Variants in ZC3H13 observed in about 807,000 individuals in gnomAD.
The protein encoded by ZC3H13 is zinc finger CCCH domain-containing protein 13.
In ZC3H13, 64 loss-of-function variants were observed where a neutral mutation model predicts 204.1. The ratio of observed to expected loss-of-function variants is 0.31; its 90% CI spans 0.26 to 0.39. The LOEUF is 0.39. Among genes scored for constraint, ZC3H13 ranks in the 10% least tolerant of loss-of-function variants. ZC3H13 has a pLI of 1.00. For missense variants in ZC3H13, 1,833 were observed against 2,082.7 expected, an observed-to-expected ratio of 0.88 and a Z score of 2.33; for synonymous variants, 667 against 693.7, an observed-to-expected ratio of 0.96 and a Z score of 0.60.
intron 4 of ZC3H13, among the ~76,000 whole-genome samples, chr13:46,041,482 T>C (rs1373013887): frequency 6.6e-6 from 1 of 152,094 alleles, no homozygotes; most frequent in Non-Finnish European, 1.5e-5. Flanking sequence ...TATTCTAAAA[T>C]TGACTGTGAT....
intron 1 of ZC3H13, among the ~76,000 whole-genome samples, chr13:46,047,747 TAA>T (rs761721269): frequency 1.7e-4 from 26 of 152,316 alleles, no homozygotes; most frequent in Admixed American, 1.1e-3. Context: ...GAGAAAAACA[TAA>T]AGTTTCATTA....
intron 12 of ZC3H13, among the ~76,000 whole-genome samples, chr13:45,970,866 T>C (rs1952526107): frequency 6.6e-6 from 1 of 152,204 alleles, no homozygotes; most frequent in Non-Finnish European, 1.5e-5. Flanking sequence ...GAAAACCTAA[T>C]ATTGGCTTTG....
At chr13:46,004,080 G>A (rs906032530) in intron 7 of ZC3H13, among the ~76,000 whole-genome samples, 2 of 152,060 alleles carry the variant, frequency 1.3e-5, no homozygotes, top group African/African-American at 4.8e-5. Flanking sequence ...GAGAAAATAT[G>A]TGCAAATCAT....
At chr13:45,962,665 T>TA (rs1168215279) in intron 17 of ZC3H13, 2 of 979,596 alleles carry the variant, frequency 2.0e-6, no homozygotes, top group Admixed American at 6.2e-5. Flanking sequence ...CTTATGCTAA[T>TA]AGAGTAAAGG....
rs1185592222 is a variant in ZC3H13, at chr13:45,969,822, G to C, written c.2722C>G (p.Gln908Glu). Residue 908 changes from glutamine (Q) to glutamate (E), a missense_variant, in exon 14 of 19, where the codon CAG (glutamine) becomes GAG (glutamate). Physicochemically the swap from Gln to Glu is conservative, Grantham distance 29. This residue lies in a region of ZC3H13 where 1,574 missense variants were observed against 1,757.2 expected (regional missense o/e 0.90). Transcript: ENST00000679008. ...GAAGAAACTTTCTCCTTGAGTTCCT[G>C]TTCTTCGTAGCGCCTTGAACTCTCT... is the stretch of plus-strand genomic sequence containing the variant. ...RKESSRRYEE[Q>E]ELKEKVSSVD... 6.2e-7 allele frequency: 1 copy of C among 1,613,710 alleles called. No individual in the cohort carries two copies. The highest frequency in any genetic ancestry group is 1.3e-5 in the African/African-American group (1 of 74,888).
chr13:45,965,566 A>C (rs1386784821), intron 15 of ZC3H13, 134 bp from the exon 16 acceptor site: 1 of 728,194 alleles, frequency 1.4e-6, no homozygotes, highest in African/African-American at 1.8e-5. Context: ...TGTATCTCTT[A>C]ATTATTCAAA....
intron 4 of ZC3H13, among the ~76,000 whole-genome samples, chr13:46,034,333 CAT>C (rs1566337164): frequency 6.6e-6 from 1 of 152,178 alleles, no homozygotes; most frequent in Admixed American, 6.5e-5. Flanking sequence ...CATATATACA[CAT>C]GTTGATAGCA....
chr13:45,999,286 G>GA (rs2040571353), intron 8 of ZC3H13, among the ~76,000 whole-genome samples: 1 of 152,012 alleles, frequency 6.6e-6, no homozygotes, highest in East Asian at 1.9e-4. Flanking sequence ...ACAGTGAGAA[G>GA]AAAAACAAAA....
At chr13:45,999,075 A>C (rs1312804289) in intron 8 of ZC3H13, among the ~76,000 whole-genome samples, 1 of 152,172 alleles carries the variant, frequency 6.6e-6, no homozygotes, top group Non-Finnish European at 1.5e-5. Context: ...TCATCTCTAC[A>C]AAAAGATTTT....
Position 46,045,461 on chromosome 13 carries a change from A to G in ZC3H13, c.47T>C (p.Ile16Thr). The G allele has an allele frequency of 1.2e-6, 2 of 1,614,120 alleles. No homozygotes were observed. Among genetic ancestry groups the G allele is most frequent in the Non-Finnish European group, 1.7e-6 (2 of 1,180,018 alleles). ...RKVTVENTKT[I>T]SDSTSRRPSV... ...GGGTCTTCGGGATGTGCTATCAGAT[A>G]TAGTCTTGGTATTTTCCACTGTGAC... Residue 16 changes from isoleucine to threonine, a missense_variant, in exon 2 of 19, where the codon ATA becomes ACA. By Grantham distance (89) the Ile-to-Thr change is moderately conservative (BLOSUM62 -1). Coordinates refer to ENST00000679008, the MANE Select transcript of ZC3H13 (RefSeq NM_001330564.2).
rs1260888563 is a variant in ZC3H13, at chr13:46,023,842, A to C, written c.340-3285T>G. Among the ~76,000 whole-genome samples the C allele has an allele frequency of 2.0e-5, 3 of 152,302 alleles. No individual in the cohort carries two copies. The East Asian group carries it at 5.8e-4, about 29-fold the overall frequency. Reference sequence around the variant, plus strand: ...TAATGTTGACTTCACATTAAAGCTTATCTCTTACCATAATAAGAAGCAATC... The same window carrying C: ...TAATGTTGACTTCACATTAAAGCTTCTCTCTTACCATAATAAGAAGCAATC... On this transcript the variant is annotated intron_variant, in intron 4 of 18. Coordinates refer to ENST00000679008, the MANE Select transcript of ZC3H13 (RefSeq NM_001330564.2).
In ZC3H13 at chr13:45,975,276, T is replaced by C; in HGVS notation, c.2468+7A>G. On this transcript the variant is annotated splice_region_variant and intron_variant, in intron 12 of 18. Transcript: ENST00000679008. ...AAATGTTATTAATAACTGATAATTATTCTTACTTTGATTTTCTTTCATCAT... is the reference window on the plus strand; with the variant it reads ...AAATGTTATTAATAACTGATAATTACTCTTACTTTGATTTTCTTTCATCAT... 1.9e-6 allele frequency: 3 copies of C among 1,604,658 alleles called. No homozygotes were observed. Among genetic ancestry groups the C allele is most frequent in the Non-Finnish European group, 2.6e-6 (3 of 1,174,174 alleles).
intron 8 of ZC3H13, among the ~76,000 whole-genome samples, chr13:45,996,111 T>A (rs1164759241): frequency 6.6e-6 from 1 of 152,208 alleles, no homozygotes; most frequent in Non-Finnish European, 1.5e-5. Flanking sequence ...GATTTTGTGT[T>A]TAAACCCTTG....
chr13:46,008,484 AATG>A (rs2041311253), intron 7 of ZC3H13, among the ~76,000 whole-genome samples: 1 of 152,154 alleles, frequency 6.6e-6, no homozygotes, highest in African/African-American at 2.4e-5. Flanking sequence ...AACCAGTGTG[AATG>A]ATTATTCATG....
rs2040893626 is a variant in ZC3H13, at chr13:46,003,413, C to T, written c.747-77G>A. ...TTTTTTAAAGCCTTCTTAAAAACAG[C>T]AGCGTTCCTTTACATTACTTGCCCT... On this transcript the variant is annotated intron_variant, in intron 7 of 18. Coordinates refer to ENST00000679008, the MANE Select transcript of ZC3H13 (RefSeq NM_001330564.2). The T allele has an allele frequency of 4.4e-6, 6 of 1,376,208 alleles. No homozygotes were observed. In the Admixed American group the frequency reaches 1.2e-4, roughly 28 times the overall value. 85.2% of individuals were successfully genotyped at this position (1,376,208 alleles called of 1,614,324 possible).
intron 8 of ZC3H13, 59 bp from the exon 9 acceptor site, chr13:45,989,156 G>A: frequency 2.0e-6 from 3 of 1,495,522 alleles, no homozygotes; most frequent in South Asian, 1.3e-5. Flanking sequence ...TCTAGCCAAA[G>A]GAAAATCTTT....
In ZC3H13 at chr13:45,954,782, TGTA is replaced by T. The variant is rs1000241711; in HGVS notation, c.*2342_*2344del. The stretch of plus-strand genomic sequence containing the variant: ...AAGTTAATAAGTCATAAAATCCTAA[TGTA>T]GTCATAGGCTAGGATGGTGACGACA... On this transcript the variant is annotated 3_prime_UTR_variant, in exon 19 of 19. Coordinates refer to ENST00000679008, the MANE Select transcript of ZC3H13 (RefSeq NM_001330564.2). 4 of 152,230 alleles carry T rather than the reference TGTA, an allele frequency of 2.6e-5. No homozygotes were observed. Among genetic ancestry groups the T allele is most frequent in the African/African-American group, 9.6e-5 (4 of 41,456 alleles). The allele number at this position is 152,230 out of a possible 1,614,324, so 9.4% of individuals were successfully genotyped here. A position where few individuals can be genotyped will look rare whatever the true frequency, so the allele number is the denominator to read the frequency against.
rs187117617 is a variant in ZC3H13, at chr13:46,012,832, T to C, written c.449-1278A>G. Among the ~76,000 whole-genome samples, 4 of 152,350 alleles carry C rather than the reference T, an allele frequency of 2.6e-5. No homozygotes were observed. In the East Asian group the frequency reaches 7.7e-4, roughly 29 times the overall value. On this transcript the variant is annotated intron_variant, in intron 5 of 18. Coordinates refer to ENST00000679008, the MANE Select transcript of ZC3H13 (RefSeq NM_001330564.2). The stretch of plus-strand genomic sequence containing the variant: ...ATTATTTTGTACTCTATTGAGATAC[T>C]TTACATCAGTGAATAATAGGAGTCA...
chr13:45,986,607 CTT>C (rs1254483152), intron 9 of ZC3H13, among the ~76,000 whole-genome samples: 1 of 152,162 alleles, frequency 6.6e-6, no homozygotes, highest in East Asian at 1.9e-4. Context: ...AGAAACCACT[CTT>C]TACATATATT....
Sources: gnomAD v4.1 joint callset for allele counts (sites outside exome capture counted in the v4.1 genomes callset) on GRCh38, gnomAD v4.1.1 for gene constraint, gnomAD v4.1.1 regional missense constraint, MANE v1.5 for transcripts, NCBI Gene and HGNC (gene_info 2026-07-23, HGNC 2026-07-21) for gene names.